The following METTL15 variants were observed in gnomAD, a reference collection of about 807,000 sequenced individuals.
METTL15 encodes the protein 12S rRNA N(4)-cytidine methyltransferase METTL15.
Under a neutral mutation model 38.3 loss-of-function variants are expected in METTL15, and 34 were observed. The observed-to-expected ratio is 0.89, with a 90% CI of 0.68 to 1.18. The LOEUF is 1.18. METTL15 is among the 50% of genes most tolerant of loss of function. The probability of loss-of-function intolerance (pLI) is 0.00; values close to 1 mark genes in which losing one functional copy is unlikely to be tolerated. For missense variants in METTL15, 438 were observed against 498.4 expected (o/e 0.88, Z 1.15); for synonymous variants, 162 against 170.9 (o/e 0.95, Z 0.41).
intron 6 of METTL15, among the ~76,000 whole-genome samples, chr11:28,428,195 A>AT (rs1327274089): frequency 6.6e-6 from 1 of 152,216 alleles, no homozygotes; most frequent in African/African-American, 2.4e-5. Flanking sequence ...CACTCAGGCT[A>AT]TATAGTATAG....
In METTL15 at chr11:28,359,426, T is replaced by A. The variant is rs138290231; in HGVS notation, c.*259-2511T>A. On this transcript the variant is annotated intron_variant and NMD_transcript_variant, in intron 4 of 7. Coordinates refer to the METTL15 transcript ENST00000532947. ...TTTGGTAGAACATTTTATTTTCCTT[T>A]GGGTATATACCTAGTAATGGGATTG... is the stretch of plus-strand genomic sequence containing the variant. Among the ~76,000 whole-genome samples the A allele has an allele frequency of 3.4e-3, 522 of 152,326 alleles. 1 individual carries two copies. The highest frequency in any genetic ancestry group is 0.012 in the African/African-American group (510 of 41,560).
intron 5 of METTL15, among the ~76,000 whole-genome samples, chr11:28,386,610 A>G (rs1300067489): frequency 6.6e-6 from 1 of 152,052 alleles, no homozygotes; most frequent in African/African-American, 2.4e-5. Context: ...GAAATAAATG[A>G]TAACACGTTA....
intron 3 of METTL15, among the ~76,000 whole-genome samples, chr11:28,173,092 AAAG>A (rs1340753182): frequency 2.0e-5 from 3 of 152,184 alleles, no homozygotes; most frequent in African/African-American, 4.8e-5. Context: ...TTTTTTAAAA[AAAG>A]AGACAAAATT....
intron 4 of METTL15, among the ~76,000 whole-genome samples, chr11:28,354,301 C>T (rs1313151126): frequency 6.6e-6 from 1 of 152,122 alleles, no homozygotes; most frequent in African/African-American, 2.4e-5. Context: ...TTCATCTTTT[C>T]CCTGTCCCAA....
chr11:28,503,723 G>A (rs1029548452), intron 6 of METTL15, among the ~76,000 whole-genome samples: 4 of 151,846 alleles, frequency 2.6e-5, no homozygotes, highest in East Asian at 2.0e-4. Flanking sequence ...CCAGGGAGGC[G>A]GAGGATGCAG....
chr11:28,139,212 A>G (rs1047167854), intron 3 of METTL15, among the ~76,000 whole-genome samples: 7 of 152,040 alleles, frequency 4.6e-5, no homozygotes, highest in African/African-American at 1.7e-4. Context: ...TGGTATGGGG[A>G]CACAATTACC....
chr11:28,391,146 TTCTAGATATACAATCATGTCA>T (rs1329693693), intron 5 of METTL15, among the ~76,000 whole-genome samples: 1 of 152,072 alleles, frequency 6.6e-6, no homozygotes, highest in Non-Finnish European at 1.5e-5. Context: ...CAATGGGGTT[TTCTAGATATACAATCATGTCA>T]TCTGCAAACA....
intron 6 of METTL15, among the ~76,000 whole-genome samples, chr11:28,442,728 G>A (rs1397483690): frequency 6.6e-6 from 1 of 152,206 alleles, no homozygotes; most frequent in Non-Finnish European, 1.5e-5. Flanking sequence ...GAAATCCATG[G>A]CAAATTTTTC....
intron 5 of METTL15, among the ~76,000 whole-genome samples, chr11:28,398,463 G>T (rs989892428): frequency 4.6e-5 from 7 of 151,964 alleles, no homozygotes; most frequent in Non-Finnish European, 8.8e-5. Flanking sequence ...TATGCTGGCC[G>T]CATAGATGTC....
At chr11:28,308,936 G>A (rs201477285) in intron 6 of METTL15, among the ~76,000 whole-genome samples, 3 of 89,674 alleles carry the variant, frequency 3.3e-5, no homozygotes, top group African/African-American at 7.4e-5. Flanking sequence ...AGATAGATAG[G>A]CAGGCAGGCA....
intron 3 of METTL15, chr11:28,145,447 T>TA (rs1475228838): frequency 7.9e-5 from 12 of 152,092 alleles, no homozygotes; most frequent in Non-Finnish European, 1.5e-4. Context: ...CTCTTATTGG[T>TA]AATTTGTTTG....
chr11:28,306,683 A>G (rs1044811454), intron 6 of METTL15, among the ~76,000 whole-genome samples: 3 of 152,052 alleles, frequency 2.0e-5, no homozygotes, highest in African/African-American at 4.8e-5. Flanking sequence ...AGACAAGCAT[A>G]TGCTTTCATT....
At chr11:28,429,457 C>G (rs1359933301) in intron 6 of METTL15, among the ~76,000 whole-genome samples, 1 of 128,196 alleles carries the variant, frequency 7.8e-6, no homozygotes, top group East Asian at 2.7e-4. Flanking sequence ...CGGCTCACTG[C>G]AACCTCCCTG....
intron 3 of METTL15, among the ~76,000 whole-genome samples, chr11:28,139,034 C>T (rs977914031): frequency 6.6e-6 from 1 of 152,182 alleles, no homozygotes; most frequent in Non-Finnish European, 1.5e-5. Context: ...CCGGTCTGCA[C>T]AGGGAGAGGG....
intron 6 of METTL15, among the ~76,000 whole-genome samples, chr11:28,500,343 C>A (rs923762356): frequency 3.3e-5 from 5 of 152,192 alleles, no homozygotes; most frequent in African/African-American, 9.7e-5. Context: ...TGCCCATTTA[C>A]ATGAATGAAA....
chr11:28,288,796 T>A (rs1856393724), intron 4 of METTL15, among the ~76,000 whole-genome samples: 1 of 152,052 alleles, frequency 6.6e-6, no homozygotes, highest in Non-Finnish European at 1.5e-5. Context: ...AACCTGCACA[T>A]GTACCCCTGA....
chr11:28,484,343 A>G (rs1352075583), intron 6 of METTL15, among the ~76,000 whole-genome samples: 2 of 152,210 alleles, frequency 1.3e-5, no homozygotes, highest in Admixed American at 1.3e-4. Context: ...GTCTGGTTTC[A>G]GAGCCAACTC....
intron 6 of METTL15, among the ~76,000 whole-genome samples, chr11:28,483,800 C>G (rs758825765): frequency 6.6e-6 from 1 of 152,090 alleles, no homozygotes; most frequent in Non-Finnish European, 1.5e-5. Flanking sequence ...AAACCCTGCT[C>G]TAAGAGGAGG....
chr11:28,283,779 C>T lies in METTL15; in HGVS notation c.408-6427C>T, dbSNP rs1158132403. On this transcript the variant is annotated intron_variant, in intron 4 of 6. Coordinates refer to ENST00000407364, the MANE Select transcript of METTL15 (RefSeq NM_001113528.2). ...TGGGGTTGGATTGAGAAAGTGTTCT[C>T]ATTTAAAAAGTGTTCTGGATCACAA... Among the ~76,000 whole-genome samples, 4 of 152,226 alleles carry T rather than the reference C, an allele frequency of 2.6e-5. No homozygotes were observed. The South Asian group carries it at 6.2e-4, about 24-fold the overall frequency.
Sources: gnomAD v4.1 joint callset for allele counts (sites outside exome capture counted in the v4.1 genomes callset) on GRCh38, gnomAD v4.1.1 for gene constraint, MANE v1.5 for transcripts, NCBI Gene and HGNC (gene_info 2026-07-23, HGNC 2026-07-21) for gene names.